PTPRN2: variants seen among roughly 807,000 people sequenced by gnomAD.
PTPRN2 encodes the protein receptor-type tyrosine-protein phosphatase N2.
Under a neutral mutation model 118.8 loss-of-function variants are expected in PTPRN2, and 74 were observed. That is an observed-to-expected ratio of 0.62 (90% CI 0.52 to 0.76). The LOEUF is 0.76. Among genes scored for constraint, PTPRN2 ranks in the 30% least tolerant of loss-of-function variants. PTPRN2 has a pLI of 0.00. For synonymous variants in PTPRN2, 641 were observed against 608.0 expected (o/e 1.05, Z -0.80); for missense variants, 1,481 against 1,394.4 (o/e 1.06, Z -0.99).
At chr7:158,257,090 T>C (rs578177676) in intron 3 of PTPRN2, among the ~76,000 whole-genome samples, 2 of 152,038 alleles carry the variant, frequency 1.3e-5, no homozygotes, top group African/African-American at 4.8e-5. Context: ...GGGATCTGGG[T>C]TGAAATGGAG....
At chr7:158,326,373 A>C (rs2151129957) in intron 2 of PTPRN2, among the ~76,000 whole-genome samples, 1 of 152,348 alleles carries the variant, frequency 6.6e-6, no homozygotes, top group Admixed American at 6.5e-5. Flanking sequence ...TGCCAGTGGC[A>C]GACTCAGTCG....
chr7:158,297,280 G>A (rs779956925), intron 3 of PTPRN2, among the ~76,000 whole-genome samples: 8 of 152,312 alleles, frequency 5.3e-5, no homozygotes, highest in East Asian at 1.9e-4. Flanking sequence ...GCTTTCAGCC[G>A]TTCTGTCCTG....
intron 2 of PTPRN2, among the ~76,000 whole-genome samples, chr7:158,326,756 G>GCA (rs1803582495): frequency 7.5e-6 from 1 of 133,704 alleles, no homozygotes; most frequent in South Asian, 2.6e-4. Context: ...ATTCTCACAT[G>GCA]CACGTTTCAC....
chr7:158,023,183 G>T (rs950116579), intron 11 of PTPRN2, among the ~76,000 whole-genome samples: 4 of 152,118 alleles, frequency 2.6e-5, no homozygotes, highest in Non-Finnish European at 5.9e-5. Context: ...AGCCCATGTC[G>T]ACAAGGAGTA....
intron 11 of PTPRN2, among the ~76,000 whole-genome samples, chr7:157,933,211 GA>G (rs1799489129): frequency 7.1e-6 from 1 of 139,886 alleles, no homozygotes; most frequent in African/African-American, 2.6e-5. Flanking sequence ...AGTTTTAGAG[GA>G]AGGGTGAGTC....
At chr7:158,085,588 C>T (rs1813302536) in intron 10 of PTPRN2, among the ~76,000 whole-genome samples, 1 of 117,974 alleles carries the variant, frequency 8.5e-6, no homozygotes, top group African/African-American at 3.3e-5. Flanking sequence ...CGACGCCCAT[C>T]CAGATACCCA....
rs1156965092 is a variant in PTPRN2, at chr7:157,953,568, G to A, written c.1724-54831C>T. Among the ~76,000 whole-genome samples, 2 of 152,162 alleles carry A rather than the reference G, an allele frequency of 1.3e-5. No individual in the cohort carries two copies. Among genetic ancestry groups the A allele is most frequent in the Admixed American group, 6.5e-5 (1 of 15,280 alleles). On this transcript the variant is annotated intron_variant, in intron 11 of 22. Coordinates refer to ENST00000389418, the MANE Select transcript of PTPRN2 (RefSeq NM_002847.5). This position sits in a 1 kb window ranked among gnomAD's most constrained non-coding sequence, Gnocchi z 4.6. ...CCCTGCAACCTGGATCCACATGGCT[G>A]GAGGTCCGGTGTCCCTAAAGACTTC...
intron 1 of PTPRN2, among the ~76,000 whole-genome samples, chr7:158,567,307 T>C (rs1827723482): frequency 6.6e-6 from 1 of 152,208 alleles, no homozygotes; most frequent in Non-Finnish European, 1.5e-5. Flanking sequence ...TATCCCAGCG[T>C]TTGCTGGGCT....
intron 6 of PTPRN2, among the ~76,000 whole-genome samples, chr7:158,144,286 G>A (rs1157893016): frequency 6.6e-6 from 1 of 152,192 alleles, no homozygotes; most frequent in Non-Finnish European, 1.5e-5. Flanking sequence ...GCACAGGCCA[G>A]GGTATTCAAT....
chr7:158,025,904 C>T lies in PTPRN2; in HGVS notation c.1723+55394G>A, dbSNP rs191255494. Among the ~76,000 whole-genome samples, 258 of 152,300 alleles carry T rather than the reference C, an allele frequency of 1.7e-3. 1 individual carries two copies. The highest frequency in any genetic ancestry group is 2.6e-3 in the Non-Finnish European group (178 of 68,020). The stretch of plus-strand genomic sequence containing the variant: ...GCTCTTCCGTTTACGTTCTATTGTC[C>T]GGGTCTTATTTTTGCTTTCAATTCC... On this transcript the variant is annotated intron_variant, in intron 11 of 22. Coordinates refer to ENST00000389418, the MANE Select transcript of PTPRN2 (RefSeq NM_002847.5).
At position 157,611,082 on chromosome 7, in the gene PTPRN2, G is replaced by T. The variant is rs371153872; in HGVS notation, c.2345-7007C>A. On this transcript the variant is annotated intron_variant, in intron 15 of 22. Transcript: ENST00000389418. The surrounding 1 kb of genome is among the most constrained non-coding windows in gnomAD (Gnocchi z 5.9). ...CTGCCCACCGCTGAGCTGAATAACC[G>T]AGCGCGAGGCTGGTGTCCGGCTTCC... Among the ~76,000 whole-genome samples the T allele has an allele frequency of 2.6e-5, 4 of 152,178 alleles. No homozygotes were observed. Among genetic ancestry groups the T allele is most frequent in the Non-Finnish European group, 4.4e-5 (3 of 68,046 alleles).
chr7:157,911,064 T>C lies in PTPRN2; in HGVS notation c.1724-12327A>G, dbSNP rs571602995. ...CTGGAAGTGGGCTGTTCATCATCTCTCTTTTCTTCTTTGGCGGTGAGGCCA... is the reference window on the plus strand; with the variant it reads ...CTGGAAGTGGGCTGTTCATCATCTCCCTTTTCTTCTTTGGCGGTGAGGCCA... On this transcript the variant is annotated intron_variant, in intron 11 of 22. Coordinates refer to ENST00000389418, the MANE Select transcript of PTPRN2 (RefSeq NM_002847.5). 2.8e-4 allele frequency among the ~76,000 whole-genome samples: 43 copies of C among 151,868 alleles called. No homozygotes were observed. The South Asian group carries it at 7.3e-3, about 26-fold the overall frequency.
chr7:157,606,782 AC>A (rs1465743882), intron 15 of PTPRN2, among the ~76,000 whole-genome samples: 1 of 152,180 alleles, frequency 6.6e-6, no homozygotes, highest in African/African-American at 2.4e-5. Flanking sequence ...GATTTTACTT[AC>A]AGTTTTTAAA....
chr7:158,261,659 C>T (rs1225705670), intron 3 of PTPRN2, among the ~76,000 whole-genome samples: 2 of 152,104 alleles, frequency 1.3e-5, no homozygotes, highest in African/African-American at 4.8e-5. Context: ...GGGTGCACTC[C>T]GGGACCGCAG....
chr7:157,982,133 C>T (rs1803245141), intron 11 of PTPRN2, among the ~76,000 whole-genome samples: 2 of 121,162 alleles, frequency 1.7e-5, no homozygotes, highest in Admixed American at 8.5e-5. Context: ...ATGCAGAGTG[C>T]AGCGTCCCCC....
intron 1 of PTPRN2, among the ~76,000 whole-genome samples, chr7:158,560,647 C>A (rs1015610399): frequency 6.6e-5 from 10 of 152,250 alleles, no homozygotes; most frequent in Non-Finnish European, 1.3e-4. Context: ...GTGTGGCCAT[C>A]GCCTCACCTT....
At position 158,549,788 on chromosome 7, in the gene PTPRN2, G is replaced by A. The variant is rs138306971; in HGVS notation, c.112+37770C>T. ...CACTCCTCCTGTGAGATGGGACTGC[G>A]TGTCCCCAGAGGGCTGGCAACTGGC... On this transcript the variant is annotated intron_variant, in intron 1 of 22. Transcript: ENST00000389418. Among the ~76,000 whole-genome samples the A allele has an allele frequency of 1.1e-3, 162 of 152,368 alleles. No individual in the cohort carries two copies. The East Asian group carries it at 0.025, about 24-fold the overall frequency.
At chr7:157,934,261 C>T (rs554604146) in intron 11 of PTPRN2, among the ~76,000 whole-genome samples, 5 of 152,272 alleles carry the variant, frequency 3.3e-5, no homozygotes, top group East Asian at 3.9e-4. Flanking sequence ...TCCAGAATAT[C>T]GGCCGCTCAT....
Position 158,149,736 on chromosome 7 carries a change from G to A in PTPRN2, c.911-11221C>T, listed in dbSNP as rs138622345. 4.5e-3 allele frequency among the ~76,000 whole-genome samples: 680 copies of A among 151,840 alleles called. 6 individuals carry two copies. The highest frequency in any genetic ancestry group is 0.016 in the African/African-American group (644 of 41,442). On this transcript the variant is annotated intron_variant, in intron 6 of 22. Transcript: ENST00000389418. ...GGAGAATTGCTTGAACATGGGAGAC[G>A]GAGGTTGCGGTGAGCTGAGATTGTG...
Sources: gnomAD v4.1 joint callset for allele counts (sites outside exome capture counted in the v4.1 genomes callset) on GRCh38, gnomAD v4.1.1 for gene constraint, Gnocchi (gnomAD v3.1) non-coding constraint, MANE v1.5 for transcripts, NCBI Gene and HGNC (gene_info 2026-07-23, HGNC 2026-07-21) for gene names.